The following ARID4B variants were observed in gnomAD, a reference collection of about 807,000 sequenced individuals.
ARID4B encodes the protein AT-rich interactive domain-containing protein 4B.
A neutral mutation model predicts 147.5 loss-of-function variants in ARID4B; 26 were observed. The observed-to-expected ratio is 0.18, with a 90% confidence interval of 0.13 to 0.24. ARID4B has a LOEUF of 0.24. ARID4B is among the 10% of genes least tolerant of loss of function. The probability of loss-of-function intolerance (pLI) is 1.00; values close to 1 mark genes in which losing one functional copy is unlikely to be tolerated. For missense variants in ARID4B, 1,179 were observed against 1,511.5 expected, an observed-to-expected ratio of 0.78 and a Z score of 3.65; for synonymous variants, 512 against 507.9, an observed-to-expected ratio of 1.01 and a Z score of -0.11.
At chr1:235,173,767 A>T (rs1182332394) in intron 22 of ARID4B, among the ~76,000 whole-genome samples, 21 of 46,198 alleles carry the variant, frequency 4.5e-4, no homozygotes, top group South Asian at 1.8e-3. Context: ...AAAAAAAAAA[A>T]AAAAATATAT....
At chr1:235,236,828 T>TA (rs767176715) in intron 8 of ARID4B, among the ~76,000 whole-genome samples, 38 of 46,318 alleles carry the variant, frequency 8.2e-4, no homozygotes, top group Admixed American at 2.2e-3. Flanking sequence ...AACGGTTTTA[T>TA]AAAAAATATA....
intron 16 of ARID4B, among the ~76,000 whole-genome samples, chr1:235,214,437 A>G (rs921353622): frequency 1.3e-5 from 2 of 152,176 alleles, no homozygotes; most frequent in African/African-American, 4.8e-5. Context: ...TTTCATTCAA[A>G]TATTTCCAGC....
chr1:235,210,079 T>C (rs966150477), intron 17 of ARID4B, among the ~76,000 whole-genome samples: 2 of 151,722 alleles, frequency 1.3e-5, no homozygotes, highest in African/African-American at 4.8e-5. Context: ...GATAAAAAAT[T>C]AGCCAGGTGT....
At chr1:235,260,088 T>C (rs1670206305) in intron 3 of ARID4B, among the ~76,000 whole-genome samples, 1 of 152,242 alleles carries the variant, frequency 6.6e-6, no homozygotes, top group African/African-American at 2.4e-5. Flanking sequence ...ACACTCCTTT[T>C]TCTATATTAA....
intron 2 of ARID4B, among the ~76,000 whole-genome samples, chr1:235,320,939 T>C (rs1674770357): frequency 6.6e-6 from 1 of 152,204 alleles, no homozygotes; most frequent in Admixed American, 6.5e-5. Flanking sequence ...CTCTAACCTC[T>C]TATTCTGATT....
chr1:235,232,772 T>C (rs1046311017), intron 9 of ARID4B, among the ~76,000 whole-genome samples: 3 of 152,300 alleles, frequency 2.0e-5, no homozygotes, highest in African/African-American at 7.2e-5. Flanking sequence ...CAATATTCAA[T>C]TTCTGTGCTC....
At chr1:235,287,257 T>C (rs1017096483) in intron 2 of ARID4B, among the ~76,000 whole-genome samples, 1 of 148,060 alleles carries the variant, frequency 6.8e-6, no homozygotes, top group Non-Finnish European at 1.5e-5. Context: ...AGACTCTGTC[T>C]CAGAAAAAAT....
At chr1:235,172,818 C>CA in intron 22 of ARID4B, 54 bp from the exon 23 acceptor site, 1 of 1,371,116 alleles carries the variant, frequency 7.3e-7, no homozygotes, top group Non-Finnish European at 9.7e-7. Flanking sequence ...TTTTAACATA[C>CA]AAAAAGGAGA....
At chr1:235,254,536 C>T (rs1239443351) in intron 5 of ARID4B, among the ~76,000 whole-genome samples, 1 of 151,810 alleles carries the variant, frequency 6.6e-6, no homozygotes, top group Non-Finnish European at 1.5e-5. Flanking sequence ...ATTTATAACA[C>T]TGATGGAAGG....
chr1:235,201,142 C>T (rs1347342310), intron 17 of ARID4B, among the ~76,000 whole-genome samples: 1 of 151,692 alleles, frequency 6.6e-6, no homozygotes, highest in African/African-American at 2.4e-5. Flanking sequence ...GAGACTCTGT[C>T]TCCAAAAAAA....
chr1:235,308,775 T>C (rs1572210164), intron 2 of ARID4B, among the ~76,000 whole-genome samples: 1 of 152,156 alleles, frequency 6.6e-6, no homozygotes, highest in East Asian at 1.9e-4. Context: ...GTTCACTCAG[T>C]GCTCAATGGT....
At chr1:235,210,767 T>C (rs1666664169) in intron 17 of ARID4B, among the ~76,000 whole-genome samples, 1 of 152,198 alleles carries the variant, frequency 6.6e-6, no homozygotes, top group African/African-American at 2.4e-5. Context: ...AACACAAGCA[T>C]GTCTTGTTGA....
intron 19 of ARID4B, 72 bp from the exon 20 acceptor site, chr1:235,182,865 T>A (rs1664414120): frequency 6.9e-7 from 1 of 1,449,676 alleles, no homozygotes; most frequent in South Asian, 1.4e-5. Flanking sequence ...TGCCAGGGAC[T>A]GTATATATTA....
At chr1:235,300,420 A>T (rs917585861) in intron 2 of ARID4B, among the ~76,000 whole-genome samples, 3 of 14,296 alleles carry the variant, frequency 2.1e-4, no homozygotes, top group African/African-American at 1.3e-3. Flanking sequence ...CCGTCTCATA[A>T]AAAAAAAAAA....
chr1:235,199,909 A>T (rs1440027266), intron 17 of ARID4B, among the ~76,000 whole-genome samples: 1 of 152,176 alleles, frequency 6.6e-6, no homozygotes, highest in African/African-American at 2.4e-5. Context: ...GCTTTTAAAA[A>T]TAAGAAATGT....
intron 23 of ARID4B, among the ~76,000 whole-genome samples, chr1:235,170,446 A>C (rs77751822): frequency 0.028 from 4,288 of 152,176 alleles, 225 homozygotes; most frequent in African/African-American, 0.098. Context: ...ACCTTTAAAA[A>C]CATAAGTGGA....
rs947378523 is a variant in ARID4B at position 235,310,341 on chromosome 1, C to A, written c.6+16573G>T. On this transcript the variant is annotated intron_variant, in intron 2 of 23. Transcript: ENST00000264183. ...CCATCAAAAAGTCACTAAATGGCAACAACTTTATTATTTATTTATAATAAC... is the reference window on the plus strand; with the variant it reads ...CCATCAAAAAGTCACTAAATGGCAAAAACTTTATTATTTATTTATAATAAC... 2.0e-5 allele frequency among the ~76,000 whole-genome samples: 3 copies of A among 152,106 alleles called. No individual in the cohort carries two copies. In the East Asian group the frequency reaches 5.8e-4, roughly 29 times the overall value.
chr1:235,232,865 CTTG>C (rs1197887569), intron 9 of ARID4B, among the ~76,000 whole-genome samples: 8 of 151,614 alleles, frequency 5.3e-5, no homozygotes, highest in Admixed American at 4.6e-4. Context: ...GAGATGGAAT[CTTG>C]TTGTTGTCAC....
At chr1:235,209,714 C>A (rs1247929376) in intron 17 of ARID4B, among the ~76,000 whole-genome samples, 2 of 151,670 alleles carry the variant, frequency 1.3e-5, no homozygotes, top group Admixed American at 1.3e-4. Context: ...CAGGCACCTG[C>A]CACCATGTCT....
Sources: gnomAD v4.1 joint callset for allele counts (sites outside exome capture counted in the v4.1 genomes callset) on GRCh38, gnomAD v4.1.1 for gene constraint, MANE v1.5 for transcripts, NCBI Gene and HGNC (gene_info 2026-07-23, HGNC 2026-07-21) for gene names.